The following CPZ variants were observed in gnomAD, a reference collection of about 807,000 sequenced individuals.
CPZ encodes carboxypeptidase Z.
CPZ carries 103 observed loss-of-function variants against 61.8 expected under a neutral mutation model. The observed-to-expected ratio is 1.67, with a 90% CI of 1.42 to 1.96. The LOEUF is 1.96. Ranked by LOEUF, CPZ falls within the 30% of genes most tolerant of loss-of-function variation. The probability of loss-of-function intolerance (pLI) is 0.00; values close to 1 mark genes in which losing one functional copy is unlikely to be tolerated. For synonymous variants in CPZ, 551 were observed against 373.7 expected, an observed-to-expected ratio of 1.47 and a Z score of -5.47; for missense variants, 1,461 against 914.9, an observed-to-expected ratio of 1.60 and a Z score of -7.70.
Position 8,619,359 on chromosome 4 carries a change from C to A in CPZ, c.1701C>A (p.Ile567=), listed in dbSNP as rs754617269. The A allele has an allele frequency of 7.4e-6, 12 of 1,614,112 alleles. No individual in the cohort carries two copies. The Admixed American group carries it at 1.7e-4, about 22-fold the overall frequency. Residue 567 remains isoleucine (I), a synonymous_variant, in exon 11 of 11, where the codon ATC becomes ATA. Transcript: ENST00000360986. ...GYAKVIKKVI[I]PARMKRAGRV... ...CCAAAGTCATCAAGAAAGTCATCATCCCCGCCCGGATGAAGAGGGCTGGCC... is the reference window on the plus strand; with the variant it reads ...CCAAAGTCATCAAGAAAGTCATCATACCCGCCCGGATGAAGAGGGCTGGCC...
At chr4:8,609,119 CT>C (rs1560297868) in intron 7 of CPZ, among the ~76,000 whole-genome samples, 52 of 13,536 alleles carry the variant, frequency 3.8e-3, no homozygotes, top group Middle Eastern at 0.022. Context: ...TCCTCACTCC[CT>C]CACTCATTCA....
chr4:8,609,191 C>CTCACTCCCTCATTCACTTACTCAT (rs796163641), intron 7 of CPZ, among the ~76,000 whole-genome samples: 9,225 of 123,460 alleles, frequency 0.075, 586 homozygotes, highest in African/African-American at 0.17. Context: ...CAGGCATTCA[C>CTCACTCCCTCATTCACTTACTCAT]TCACTCCCTC....
chr4:8,606,570 G>C (rs1471031663), intron 5 of CPZ, among the ~76,000 whole-genome samples, 167 bp from the exon 6 acceptor site: 1 of 152,152 alleles, frequency 6.6e-6, no homozygotes, highest in Non-Finnish European at 1.5e-5. Context: ...AAGGAGCCCC[G>C]GGGTGGAGAG....
chr4:8,599,438 T>C lies in CPZ; in HGVS notation c.89-15T>C, dbSNP rs1714411007. 1 of 1,604,952 alleles carries C rather than the reference T, an allele frequency of 6.2e-7. No individual in the cohort carries two copies. Among genetic ancestry groups the C allele is most frequent in the East Asian group, 2.2e-5 (1 of 44,604 alleles). On this transcript the variant is annotated splice_polypyrimidine_tract_variant and intron_variant, in intron 1 of 10. Coordinates refer to ENST00000360986, the MANE Select transcript of CPZ (RefSeq NM_001014447.3). ...GCGAGGCAGGTCCCTAACAGTGCCA[T>C]GTCTCTCTTTCCAGGTGAATGCCAC... is the stretch of plus-strand genomic sequence containing the variant.
chr4:8,599,486 G>A lies in CPZ; in HGVS notation c.121+1G>A. 1 of 1,613,798 alleles carries A rather than the reference G, an allele frequency of 6.2e-7. No individual in the cohort carries two copies. Among genetic ancestry groups the A allele is most frequent in the Non-Finnish European group, 8.5e-7 (1 of 1,179,840 alleles). ...CACAGGCCACCAGCTGCAGACAGCG[G>A]TACAGTACCGGGACCTCCCTGGCTT... On this transcript the variant is annotated splice_donor_variant, in intron 2 of 10. Transcript: ENST00000360986. LOFTEE classifies it high-confidence loss of function.
intron 7 of CPZ, among the ~76,000 whole-genome samples, chr4:8,608,791 G>GC (rs202185290): frequency 2.0e-4 from 31 of 151,746 alleles, no homozygotes; most frequent in Non-Finnish European, 4.4e-4. Context: ...GCAGGGCAGG[G>GC]AGGGGCACTG....
chr4:8,611,381 T>G (rs192440204), intron 7 of CPZ: 3 of 431,556 alleles, frequency 7.0e-6, no homozygotes, highest in Middle Eastern at 5.5e-4. Flanking sequence ...GGGAAGCCTG[T>G]GGGGAGGGAC....
chr4:8,599,743 CCT>C (rs151215420), intron 2 of CPZ: 121,195 of 733,448 alleles, frequency 0.17, 12,022 homozygotes, highest in Non-Finnish European at 0.19. Flanking sequence ...CCTCTCCATC[CCT>C]CTCCAGTCCC....
chr4:8,609,634 CAG>C (rs1218287704), intron 7 of CPZ, among the ~76,000 whole-genome samples: 1 of 150,008 alleles, frequency 6.7e-6, no homozygotes. Flanking sequence ...GTCTCAGCCT[CAG>C]AGCTGGCAGG....
intron 1 of CPZ, 22 bp downstream of exon 1, chr4:8,592,943 A>G: frequency 1.4e-6 from 2 of 1,466,348 alleles, no homozygotes; most frequent in South Asian, 2.5e-5. Flanking sequence ...CCCTGCCCCC[A>G]CCCTCCACCC....
chr4:8,597,790 C>T (rs1299010215), intron 1 of CPZ, among the ~76,000 whole-genome samples: 2 of 152,212 alleles, frequency 1.3e-5, no homozygotes, highest in Non-Finnish European at 2.9e-5. Context: ...CCCGGAAGAT[C>T]GTGTGCTGGG....
At chr4:8,598,230 C>T (rs1418078323) in intron 1 of CPZ, among the ~76,000 whole-genome samples, 1 of 152,196 alleles carries the variant, frequency 6.6e-6, no homozygotes, top group Non-Finnish European at 1.5e-5. Flanking sequence ...TGTAGGGATC[C>T]AGGACTGTGG....
intron 10 of CPZ, 98 bp downstream of exon 10, chr4:8,618,626 C>T (rs1424232925): frequency 8.6e-7 from 1 of 1,168,212 alleles, no homozygotes; most frequent in African/African-American, 1.5e-5. Context: ...TGTGCCCAGC[C>T]CTCAGCAGGA....
At position 8,606,622 on chromosome 4, in the gene CPZ, G is replaced by A. The variant is rs1577116189; in HGVS notation, c.907-115G>A. 8 of 1,342,476 alleles carry A rather than the reference G, an allele frequency of 6.0e-6. No individual in the cohort carries two copies. In the East Asian group the frequency reaches 1.8e-4, roughly 31 times the overall value. 83.2% of individuals were successfully genotyped at this position (1,342,476 alleles called of 1,614,324 possible). A position where few individuals can be genotyped will look rare whatever the true frequency, so the allele number is the denominator to read the frequency against. On this transcript the variant is annotated intron_variant, in intron 5 of 10. Transcript: ENST00000360986. ...CATGCCCCCGAGCTCATCACATAAAGCCGGGGGAAACCGCAGCCCCTGGCC... is the reference window on the plus strand; with the variant it reads ...CATGCCCCCGAGCTCATCACATAAAACCGGGGGAAACCGCAGCCCCTGGCC...
rs201287825 is a variant in CPZ, at chr4:8,619,652, G to A, written c.*35G>A. ...CAGCACCCGCCAGGATGTGGAGACC[G>A]AGGCCCATCTCCGCATCCCGGGCTC... On this transcript the variant is annotated 3_prime_UTR_variant, in exon 11 of 11. Transcript: ENST00000360986. 8.0e-5 allele frequency: 116 copies of A among 1,444,952 alleles called. No individual in the cohort carries two copies. In the East Asian group the frequency reaches 2.5e-3, roughly 31 times the overall value. The allele number at this position is 1,444,952 out of a possible 1,614,324, so 89.5% of individuals were successfully genotyped here. A position where few individuals can be genotyped will look rare whatever the true frequency, so the allele number is the denominator to read the frequency against.
At position 8,611,070 on chromosome 4, in the gene CPZ, ACTCATTCATTCG is replaced by A. The variant is rs1227440388; in HGVS notation, c.1228-948_1228-937del. The A allele has an allele frequency of 3.1e-3, 1,120 of 361,796 alleles. 9 individuals carry two copies. Among genetic ancestry groups the A allele is most frequent in the Middle Eastern group, 0.019 (49 of 2,590 alleles). The allele number at this position is 361,796 out of a possible 1,614,324, so 22.4% of individuals were successfully genotyped here. Reference sequence around the variant, plus strand: ...CACGCATTCGCTCACTCACTCATTCACTCATTCATTCGCTCATTCACTCACTCACTCACTCAC... The same window carrying A: ...CACGCATTCGCTCACTCACTCATTCACTCATTCACTCACTCACTCACTCAC... On this transcript the variant is annotated intron_variant, in intron 7 of 10. Coordinates refer to ENST00000360986, the MANE Select transcript of CPZ (RefSeq NM_001014447.3).
intron 1 of CPZ, among the ~76,000 whole-genome samples, chr4:8,599,086 A>G (rs1397503972): frequency 6.6e-6 from 1 of 152,176 alleles, no homozygotes; most frequent in East Asian, 1.9e-4. Context: ...GAGATTGGCC[A>G]CAGTAGAGGT....
chr4:8,612,206 CA>C, intron 8 of CPZ, 44 bp downstream of exon 8: 5 of 75,860 alleles, frequency 6.6e-5, no homozygotes, highest in East Asian at 4.6e-4. Flanking sequence ...GTGGGGGGTG[CA>C]GGGGCTGGGT....
intron 1 of CPZ, among the ~76,000 whole-genome samples, chr4:8,598,245 C>T (rs893354879): frequency 6.6e-6 from 1 of 152,170 alleles, no homozygotes; most frequent in Non-Finnish European, 1.5e-5. Context: ...CTGTGGTTGC[C>T]CAGTCCCCAG....
Sources: gnomAD v4.1 joint callset for allele counts (sites outside exome capture counted in the v4.1 genomes callset) on GRCh38, gnomAD v4.1.1 for gene constraint, MANE v1.5 for transcripts, NCBI Gene and HGNC (gene_info 2026-07-23, HGNC 2026-07-21) for gene names.